COL23A1: variants seen among roughly 807,000 people sequenced by gnomAD.
The protein encoded by COL23A1 is collagen type XXIII alpha 1 chain.
Under a neutral mutation model 99.3 loss-of-function variants are expected in COL23A1, and 97 were observed. The ratio of observed to expected loss-of-function variants is 0.98; its 90% CI spans 0.83 to 1.16. The LOEUF (loss-of-function observed/expected upper bound fraction) is 1.16, where lower values mean the gene tolerates loss of function less well. Ranked by LOEUF, COL23A1 falls within the 50% of genes most tolerant of loss-of-function variation. The probability of loss-of-function intolerance (pLI) is 0.00; values close to 1 mark genes in which losing one functional copy is unlikely to be tolerated. For synonymous variants in COL23A1, 320 were observed against 308.2 expected, an observed-to-expected ratio of 1.04 and a Z score of -0.40; for missense variants, 762 against 757.4, an observed-to-expected ratio of 1.01 and a Z score of -0.07.
intron 2 of COL23A1, among the ~76,000 whole-genome samples, chr5:178,494,938 CA>C (rs993744677): frequency 6.6e-5 from 10 of 152,210 alleles, no homozygotes; most frequent in Non-Finnish European, 1.3e-4. Context: ...CCCAGAGACA[CA>C]TGTGGATGGC....
intron 1 of COL23A1, among the ~76,000 whole-genome samples, chr5:178,564,784 G>C (rs1243564271): frequency 6.6e-6 from 1 of 152,198 alleles, no homozygotes; most frequent in Non-Finnish European, 1.5e-5. Context: ...CACTTCACCA[G>C]ATGTTTGATC....
chr5:178,302,726 A>C (rs764748380), intron 3 of COL23A1, among the ~76,000 whole-genome samples: 7 of 152,322 alleles, frequency 4.6e-5, no homozygotes, highest in Non-Finnish European at 8.8e-5. Flanking sequence ...CAAGTCATCC[A>C]CTGGTGTTAT....
At position 178,366,497 on chromosome 5, in the gene COL23A1, C is replaced by A. The variant is rs1354355345; in HGVS notation, c.362-59578G>T. Among the ~76,000 whole-genome samples, 1 of 152,204 alleles carries A rather than the reference C, an allele frequency of 6.6e-6. No individual in the cohort carries two copies. The highest frequency in any genetic ancestry group is 2.4e-5 in the African/African-American group (1 of 41,454). ...GCATCTTTGCTCACGGCGTCTTCTG[C>A]ACCTGCACTCCCATCTGACCTTTCC... On this transcript the variant is annotated intron_variant, in intron 2 of 28. Transcript: ENST00000390654. This position sits in a 1 kb window ranked among gnomAD's most constrained non-coding sequence, Gnocchi z 4.4.
intron 5 of COL23A1, among the ~76,000 whole-genome samples, chr5:178,277,388 C>T (rs1254317162): frequency 6.6e-6 from 1 of 152,184 alleles, no homozygotes; most frequent in African/African-American, 2.4e-5. Flanking sequence ...AAACAAAGAA[C>T]CCCAAACCAA....
chr5:178,527,081 G>A (rs1760350837), intron 2 of COL23A1, among the ~76,000 whole-genome samples: 2 of 152,148 alleles, frequency 1.3e-5, no homozygotes, highest in African/African-American at 4.8e-5. Context: ...GGTGTTGAAG[G>A]GGGTCAAATC....
chr5:178,333,202 C>A (rs1760131843), intron 2 of COL23A1, among the ~76,000 whole-genome samples: 1 of 152,102 alleles, frequency 6.6e-6, no homozygotes, highest in Non-Finnish European at 1.5e-5. Flanking sequence ...GTGATCCACC[C>A]ACCTCGGCCT....
rs953137624 is a variant in COL23A1, at chr5:178,434,452, G to A, written c.361+126230C>T. Among the ~76,000 whole-genome samples the A allele has an allele frequency of 2.6e-5, 4 of 152,234 alleles. No homozygotes were observed. The highest frequency in any genetic ancestry group is 9.6e-5 in the African/African-American group (4 of 41,462). On this transcript the variant is annotated intron_variant, in intron 2 of 28. Transcript: ENST00000390654. This position sits in a 1 kb window ranked among gnomAD's most constrained non-coding sequence, Gnocchi z 4.3. ...TGGACATTGGGCGGCTGTGTGACAG[G>A]CATGGACTCTCACATGTCTGAACCT...
intron 2 of COL23A1, among the ~76,000 whole-genome samples, chr5:178,345,581 A>C (rs918370774): frequency 1.3e-5 from 2 of 150,912 alleles, no homozygotes; most frequent in African/African-American, 4.9e-5. Flanking sequence ...CAGTGGCGCG[A>C]TCTCGACTCA....
intron 27 of COL23A1, among the ~76,000 whole-genome samples, chr5:178,241,125 G>A (rs1302605196): frequency 1.3e-5 from 2 of 152,184 alleles, no homozygotes; most frequent in Non-Finnish European, 2.9e-5. Context: ...TGGCTACTTG[G>A]GAAGCTGAGG....
chr5:178,531,639 A>G (rs553446645), intron 2 of COL23A1, among the ~76,000 whole-genome samples: 1 of 152,212 alleles, frequency 6.6e-6, no homozygotes, highest in Non-Finnish European at 1.5e-5. Context: ...AACGGATAGG[A>G]TGGCTTTCAG....
chr5:178,325,676 G>C (rs930082442), intron 2 of COL23A1, among the ~76,000 whole-genome samples: 1 of 152,218 alleles, frequency 6.6e-6, no homozygotes, highest in African/African-American at 2.4e-5. Context: ...GCTCCCCAAA[G>C]CTGGGACCGT....
At chr5:178,462,754 C>A (rs1756192189) in intron 2 of COL23A1, among the ~76,000 whole-genome samples, 1 of 152,210 alleles carries the variant, frequency 6.6e-6, no homozygotes, top group African/African-American at 2.4e-5. Flanking sequence ...CGAGTCAGAT[C>A]CTCTCAACAA....
In COL23A1 at chr5:178,280,112, T is replaced by C. The variant is rs946263221; in HGVS notation, c.441+8212A>G. ...TTCTCTGAATGAACGTCCATCCTGC[T>C]GGCTCTCGTGCCCGGCCAGGGAACA... On this transcript the variant is annotated intron_variant, in intron 5 of 28. Transcript: ENST00000390654. The surrounding 1 kb of genome is among the most constrained non-coding windows in gnomAD (Gnocchi z 4.9). 6.6e-6 allele frequency among the ~76,000 whole-genome samples: 1 copy of C among 152,268 alleles called. No homozygotes were observed. Among genetic ancestry groups the C allele is most frequent in the Non-Finnish European group, 1.5e-5 (1 of 68,048 alleles).
chr5:178,278,119 C>A (rs193048787), intron 5 of COL23A1, among the ~76,000 whole-genome samples: 4 of 152,194 alleles, frequency 2.6e-5, no homozygotes, highest in Non-Finnish European at 2.9e-5. Context: ...GAAGGGTGAC[C>A]GCCACAGCGT....
intron 2 of COL23A1, among the ~76,000 whole-genome samples, chr5:178,498,610 A>G (rs147708787): frequency 5.0e-4 from 76 of 152,310 alleles, no homozygotes; most frequent in African/African-American, 1.6e-3. Context: ...AAGCCTAGAA[A>G]AAGTGAGACA....
chr5:178,420,672 C>A (rs868091281), intron 2 of COL23A1, among the ~76,000 whole-genome samples: 1 of 57,178 alleles, frequency 1.7e-5, no homozygotes, highest in Non-Finnish European at 3.3e-5. Flanking sequence ...CTCTCTTTCC[C>A]CCTCCCCTCT....
chr5:178,552,696 CAAAAAAAATTAAAAAAAAAAA>C (rs1177085685), intron 2 of COL23A1, among the ~76,000 whole-genome samples: 2 of 127,078 alleles, frequency 1.6e-5, no homozygotes, highest in African/African-American at 6.7e-5. Context: ...CCTAACTCAC[CAAAAAAAATTAAAAAAAAAAA>C]AAAAAAAATT....
At chr5:178,441,247 C>T (rs1450003430) in intron 2 of COL23A1, among the ~76,000 whole-genome samples, 1 of 152,184 alleles carries the variant, frequency 6.6e-6, no homozygotes, top group Non-Finnish European at 1.5e-5. Context: ...ACAGACCACA[C>T]CCTACAGTTA....
At chr5:178,504,741 T>C (rs1758770613) in intron 2 of COL23A1, among the ~76,000 whole-genome samples, 1 of 152,160 alleles carries the variant, frequency 6.6e-6, no homozygotes. Context: ...TGACATGCAC[T>C]GCGTAGGTGA....
Sources: allele counts gnomAD v4.1 joint callset (sites outside exome capture counted in the v4.1 genomes callset), GRCh38; gene constraint gnomAD v4.1.1; non-coding constraint Gnocchi (gnomAD v3.1); transcripts MANE v1.5; gene names NCBI Gene and HGNC (gene_info 2026-07-23, HGNC 2026-07-21).